MTMR14: variants seen among roughly 807,000 people sequenced by gnomAD.
MTMR14 encodes the protein myotubularin related protein 14.
MTMR14 carries 48 observed loss-of-function variants against 86.3 expected under a neutral mutation model. That is an observed-to-expected ratio of 0.56 (90% CI 0.44 to 0.71). The LOEUF is 0.71. Among genes scored for constraint, MTMR14 ranks in the 30% least tolerant of loss-of-function variants. The pLI is 0.00. For missense variants in MTMR14, 780 were observed against 834.6 expected, an observed-to-expected ratio of 0.93 and a Z score of 0.81; for synonymous variants, 366 against 326.1, an observed-to-expected ratio of 1.12 and a Z score of -1.32.
At position 9,697,811 on chromosome 3, in the gene MTMR14, C is replaced by T; in HGVS notation, c.1714C>T (p.His572Tyr). 6.2e-7 allele frequency: 1 copy of T among 1,614,218 alleles called. No individual in the cohort carries two copies. The highest frequency in any genetic ancestry group is 8.5e-7 in the Non-Finnish European group (1 of 1,180,050). The change falls in exon 18 of 19, where the codon CAC becomes TAC. Residue 572 changes from histidine to tyrosine, a missense_variant. Transcript: ENST00000296003. ...CGSIQERAVL[H>Y]TDSSLPFSFP... Reference sequence around the variant, plus strand: ...CAGTATTCAGGAGCGGGCTGTCCTGCACACAGACTCCTCTCTCCCTTTCAG... The same window carrying T: ...CAGTATTCAGGAGCGGGCTGTCCTGTACACAGACTCCTCTCTCCCTTTCAG...
intron 18 of MTMR14, chr3:9,700,441 A>G (rs1229072318): frequency 2.0e-5 from 3 of 152,176 alleles, no homozygotes; most frequent in Non-Finnish European, 4.4e-5. Context: ...GGCCTCTTCT[A>G]TTAAAGGCCC....
chr3:9,664,159 C>T (rs761266736), intron 3 of MTMR14, among the ~76,000 whole-genome samples: 6 of 151,636 alleles, frequency 4.0e-5, no homozygotes, highest in African/African-American at 1.5e-4. Flanking sequence ...ACGGGAGATA[C>T]TCCAACCAGT....
chr3:9,664,469 G>C (rs1000274999), intron 3 of MTMR14, among the ~76,000 whole-genome samples: 4 of 151,828 alleles, frequency 2.6e-5, no homozygotes, highest in African/African-American at 9.7e-5. Context: ...TGCTTCCACT[G>C]TGTTAAGAAA....
At chr3:9,697,908 T>C (rs1421184819) in intron 18 of MTMR14, 42 bp downstream of exon 18, 1 of 1,612,102 alleles carries the variant, frequency 6.2e-7, no homozygotes, top group East Asian at 2.2e-5. Context: ...CCCCTGCCCA[T>C]GGGAAAAGCT....
chr3:9,692,667 T>G (rs969987029), intron 17 of MTMR14, among the ~76,000 whole-genome samples: 39 of 151,752 alleles, frequency 2.6e-4, no homozygotes, highest in African/African-American at 8.7e-4. Context: ...CCAAGGAGGG[T>G]TGGTGCCACC....
At chr3:9,699,533 T>G (rs1350304264) in intron 18 of MTMR14, 1 of 152,228 alleles carries the variant, frequency 6.6e-6, no homozygotes. Context: ...CAGAAAAACT[T>G]AAGGCCAAAT....
At position 9,678,010 on chromosome 3, in the gene MTMR14, C is replaced by T. The variant is rs370299902; in HGVS notation, c.849C>T (p.Ile283=). 1 of 1,613,948 alleles carries T rather than the reference C, an allele frequency of 6.2e-7. No homozygotes were observed. The highest frequency in any genetic ancestry group is 1.1e-5 in the South Asian group (1 of 91,052). The change falls in exon 9 of 19, where the codon ATC becomes ATT. Residue 283 remains isoleucine (I), a synonymous_variant. Coordinates refer to ENST00000296003, the MANE Select transcript of MTMR14 (RefSeq NM_001077525.3). ...KQDYVDAPLS[I]PDFLTHSLNI... The stretch of plus-strand genomic sequence containing the variant: ...ACTACGTTGATGCCCCATTGAGCAT[C>T]CCCGACTTCCTGACTCACTCTCTGA...
intron 3 of MTMR14, among the ~76,000 whole-genome samples, chr3:9,664,500 A>G (rs2048138421): frequency 6.6e-6 from 1 of 152,068 alleles, no homozygotes; most frequent in African/African-American, 2.4e-5. Context: ...CACAACCTAA[A>G]TGTCCATCAA....
intron 1 of MTMR14, among the ~76,000 whole-genome samples, chr3:9,650,908 C>T (rs562670397): frequency 6.6e-6 from 1 of 152,070 alleles, no homozygotes; most frequent in African/African-American, 2.4e-5. Context: ...CCTGCCTCAA[C>T]TTCCCAAGTA....
At chr3:9,652,247 G>A (rs1265974494) in intron 1 of MTMR14, among the ~76,000 whole-genome samples, 3 of 152,066 alleles carry the variant, frequency 2.0e-5, no homozygotes, top group Admixed American at 1.3e-4. Flanking sequence ...GATTATAGGC[G>A]TGAGCCACCA....
intron 9 of MTMR14, among the ~76,000 whole-genome samples, chr3:9,680,831 C>T (rs1056109824): frequency 4.0e-5 from 6 of 151,298 alleles, no homozygotes; most frequent in Non-Finnish European, 8.8e-5. Flanking sequence ...AGCGAGACTC[C>T]GTCTCAAAAA....
At chr3:9,699,082 G>C (rs1430761342) in intron 18 of MTMR14, among the ~76,000 whole-genome samples, 1 of 151,142 alleles carries the variant, frequency 6.6e-6, no homozygotes, top group Non-Finnish European at 1.5e-5. Context: ...TGAGGCAGGA[G>C]AATCGTTTGA....
intron 2 of MTMR14, chr3:9,659,627 A>G (rs1009408693): frequency 4.5e-6 from 2 of 448,368 alleles, no homozygotes; most frequent in South Asian, 3.1e-5. Flanking sequence ...TAGTTTTAGT[A>G]TAGACGGGGT....
At chr3:9,671,226 G>C (rs771827183) in intron 6 of MTMR14, 56 bp downstream of exon 6, 23 of 1,612,572 alleles carry the variant, frequency 1.4e-5, no homozygotes, top group Non-Finnish European at 1.9e-5. Context: ...AGATTTGCAG[G>C]GCTGGCGTTA....
At position 9,653,606 on chromosome 3, in the gene MTMR14, TC is replaced by T; in HGVS notation, c.160-13del. ...CCAGAATTCTCTTTGTGTTCTGGTC[TC>T]CTTCTCTGTGCAGGTTGAGCGCATT... On this transcript the variant is annotated splice_polypyrimidine_tract_variant and intron_variant, in intron 1 of 18. Transcript: ENST00000296003. The T allele has an allele frequency of 6.2e-7, 1 of 1,614,124 alleles. No homozygotes were observed. The highest frequency in any genetic ancestry group is 8.5e-7 in the Non-Finnish European group (1 of 1,180,022).
In MTMR14 at chr3:9,685,668, G is replaced by C. The variant is rs534879849; in HGVS notation, c.1164+421G>C. ...ACCCTTCAGCCACTTTTCAATGTCA[G>C]GGTGCCCGGCAGCAGGGTCCTGCCC... On this transcript the variant is annotated intron_variant, in intron 13 of 18. Transcript: ENST00000296003. Among the ~76,000 whole-genome samples the C allele has an allele frequency of 2.6e-5, 4 of 152,206 alleles. No individual in the cohort carries two copies. The South Asian group carries it at 8.3e-4, about 32-fold the overall frequency.
Position 9,677,393 on chromosome 3 carries a change from A to G in MTMR14, c.822+6A>G, listed in dbSNP as rs568684643. 1.2e-6 allele frequency: 2 copies of G among 1,612,668 alleles called. No individual in the cohort carries two copies. Among genetic ancestry groups the G allele is most frequent in the African/African-American group, 2.7e-5 (2 of 75,016 alleles). ...TCATATTTAACTGGAAGCAGGTATG[A>G]GCAATAACATACATCAAATTGGATC... On this transcript the variant is annotated splice_donor_region_variant and intron_variant, in intron 8 of 18. Transcript: ENST00000296003. This position sits in a 1 kb window ranked among gnomAD's most constrained non-coding sequence, Gnocchi z 4.2.
At chr3:9,659,446 T>TC (rs2125017127) in intron 2 of MTMR14, among the ~76,000 whole-genome samples, 1 of 128,750 alleles carries the variant, frequency 7.8e-6, no homozygotes, top group South Asian at 2.2e-4. Flanking sequence ...AATTGGTTCT[T>TC]TTTTTTTTTT....
intron 7 of MTMR14, among the ~76,000 whole-genome samples, chr3:9,676,451 T>C (rs1357228902): frequency 6.6e-6 from 1 of 152,266 alleles, no homozygotes; most frequent in Non-Finnish European, 1.5e-5. Flanking sequence ...CGCTGTGGGC[T>C]GGCACTGTGG....
Sources: allele counts gnomAD v4.1 joint callset (sites outside exome capture counted in the v4.1 genomes callset), GRCh38; gene constraint gnomAD v4.1.1; non-coding constraint Gnocchi (gnomAD v3.1); transcripts MANE v1.5; gene names NCBI Gene and HGNC (gene_info 2026-07-23, HGNC 2026-07-21).